USP8: variants seen among roughly 807,000 people sequenced by gnomAD.
USP8 encodes the protein ubiquitin specific peptidase 8.
In USP8, 27 loss-of-function variants were observed where a neutral mutation model predicts 130.0. The observed-to-expected ratio is 0.21, with a 90% CI of 0.15 to 0.29. USP8 has a LOEUF of 0.29. Ranked by LOEUF, USP8 falls within the 10% of genes least tolerant of loss-of-function variation. USP8 has a pLI of 1.00. For synonymous variants in USP8, 392 were observed against 444.1 expected, an observed-to-expected ratio of 0.88 and a Z score of 1.48; for missense variants, 1,029 against 1,312.2, an observed-to-expected ratio of 0.78 and a Z score of 3.33.
intron 8 of USP8, among the ~76,000 whole-genome samples, chr15:50,472,558 C>G (rs1217924788): frequency 2.7e-5 from 4 of 146,072 alleles, no homozygotes; most frequent in African/African-American, 1.0e-4. Flanking sequence ...GATCGCACCA[C>G]TGCACTCCAG....
chr15:50,486,456 C>G (rs1292792954), intron 12 of USP8, among the ~76,000 whole-genome samples: 2 of 152,066 alleles, frequency 1.3e-5, no homozygotes, highest in African/African-American at 2.4e-5. Context: ...CTACTGCATT[C>G]CAGCCTGGGC....
rs138464113 is a variant in USP8, at chr15:50,498,564, T to TGTCA, written c.3039-29_3039-26dup. The TGTCA allele has an allele frequency of 4.4e-4, 697 of 1,573,584 alleles. 3 individuals carry two copies. In the African/African-American group the frequency reaches 8.2e-3, roughly 19 times the overall value. ...GAGGATTCATCCTGGTATCTTCCTC[T>TGTCA]GTCAGTGTAATTGTAATGTTTTGTT... On this transcript the variant is annotated intron_variant, in intron 18 of 19. Transcript: ENST00000307179.
intron 12 of USP8, among the ~76,000 whole-genome samples, chr15:50,484,975 C>T (rs2051902829): frequency 6.6e-6 from 1 of 152,018 alleles, no homozygotes; most frequent in African/African-American, 2.4e-5. Context: ...GTTGTCAGAG[C>T]TGGAGAAAGG....
intron 15 of USP8, 75 bp downstream of exon 15, chr15:50,492,988 A>G: frequency 2.2e-6 from 3 of 1,376,512 alleles, no homozygotes; most frequent in Non-Finnish European, 3.1e-6. Flanking sequence ...TTAGTCCATT[A>G]GTTTTCTGCT....
In USP8 at chr15:50,441,396, G is replaced by T. The variant is rs774971326; in HGVS notation, c.152G>T (p.Arg51Ile). Reference protein sequence around the residue: ...LKIFKTAEECRLDRDEERAYV... With the variant: ...LKIFKTAEECILDRDEERAYV... The stretch of plus-strand genomic sequence containing the variant: ...ATCTTTAAGACAGCAGAAGAATGCA[G>T]ATTAGATCGTGATGAGGAAAGGGCC... Residue 51 changes from arginine (R) to isoleucine (I), a missense_variant, in exon 3 of 20, where the codon AGA becomes ATA. This residue lies in a region of USP8 where 281 missense variants were observed against 336.7 expected (regional missense o/e 0.83). Coordinates refer to ENST00000307179, the MANE Select transcript of USP8 (RefSeq NM_005154.5). The T allele has an allele frequency of 6.2e-7, 1 of 1,610,020 alleles. No individual in the cohort carries two copies. The highest frequency in any genetic ancestry group is 8.5e-7 in the Non-Finnish European group (1 of 1,179,316).
intron 4 of USP8, among the ~76,000 whole-genome samples, chr15:50,453,811 A>C (rs62019082): frequency 0.15 from 21,573 of 148,222 alleles, 1,997 homozygotes; most frequent in Middle Eastern, 0.28. Context: ...CAGTTTCTTG[A>C]TGAATTGACC....
At chr15:50,484,685 G>C (rs1201334445) in intron 12 of USP8, among the ~76,000 whole-genome samples, 5 of 152,110 alleles carry the variant, frequency 3.3e-5, no homozygotes, top group Non-Finnish European at 5.9e-5. Context: ...AGAAGTATTT[G>C]TACACCCATG....
chr15:50,493,078 A>G (rs1211963542), intron 15 of USP8, 165 bp downstream of exon 15: 3 of 772,196 alleles, frequency 3.9e-6, no homozygotes, highest in African/African-American at 3.4e-5. Context: ...TGGGAAGGCC[A>G]TCGTCTAGGT....
intron 10 of USP8, among the ~76,000 whole-genome samples, chr15:50,480,059 CA>C (rs1566876243): frequency 6.6e-6 from 1 of 152,132 alleles, no homozygotes; most frequent in Non-Finnish European, 1.5e-5. Context: ...CTGCGCCTGG[CA>C]ACTTCTTTTA....
At chr15:50,435,040 G>A (rs2050054384) in intron 1 of USP8, among the ~76,000 whole-genome samples, 2 of 152,162 alleles carry the variant, frequency 1.3e-5, no homozygotes, top group African/African-American at 4.8e-5. Flanking sequence ...CAATGGGTTT[G>A]TTGTTGCTGC....
At chr15:50,428,257 C>T (rs907181435) in intron 1 of USP8, among the ~76,000 whole-genome samples, 1 of 152,186 alleles carries the variant, frequency 6.6e-6, no homozygotes, top group East Asian at 1.9e-4. Context: ...GCTGGGATCA[C>T]AGGCATATGC....
At position 50,499,064 on chromosome 15, in the gene USP8, A is replaced by G. The variant is rs536740079; in HGVS notation, c.3333A>G (p.Pro1111=). 1.9e-6 allele frequency: 3 copies of G among 1,611,022 alleles called. No homozygotes were observed. Among genetic ancestry groups the G allele is most frequent in the Non-Finnish European group, 2.5e-6 (3 of 1,178,534 alleles). The part of the protein sequence containing the change: ...AYILFYTSLG[P]RVTDVAT ...TCCTCTTTTATACTTCATTGGGACC[A>G]CGAGTAACTGATGTAGCCACATAAG... The change falls in exon 20 of 20, where the codon CCA becomes CCG. Residue 1111 remains proline (P), a synonymous_variant. Transcript: ENST00000307179.
intron 7 of USP8, among the ~76,000 whole-genome samples, chr15:50,466,572 G>C (rs1473925342): frequency 6.6e-6 from 1 of 150,906 alleles, no homozygotes; most frequent in Non-Finnish European, 1.5e-5. Flanking sequence ...TCCAGCCTGG[G>C]CTACAGAGGG....
chr15:50,445,542 T>C (rs1361706876), intron 3 of USP8, among the ~76,000 whole-genome samples: 1 of 1,642 alleles, frequency 6.1e-4, no homozygotes, highest in South Asian at 0.019. Context: ...CAAGAGTCTG[T>C]CTCAAAAAAA....
chr15:50,431,165 C>CTGTGTGTGTGTGTGTG (rs56771450), intron 1 of USP8, among the ~76,000 whole-genome samples: 24,820 of 140,776 alleles, frequency 0.18, 2,600 homozygotes, highest in East Asian at 0.4. Flanking sequence ...GTGTGTGCCT[C>CTGTGTGTGTGTGTGTG]TGTGTGTGTG....
rs71124355 is a variant in USP8 at position 50,453,860 on chromosome 15, CTTTTTTTT to C, written c.335+4390_335+4397del. Among the ~76,000 whole-genome samples, 821 of 86,962 alleles carry C rather than the reference CTTTTTTTT, an allele frequency of 9.4e-3. 13 individuals are homozygous for C. Among genetic ancestry groups the C allele is most frequent in the African/African-American group, 0.036 (791 of 22,026 alleles). 57.1% of individuals were successfully genotyped at this position (86,962 alleles called of 152,430 possible). A position where few individuals can be genotyped will look rare whatever the true frequency, so the allele number is the denominator to read the frequency against. On this transcript the variant is annotated intron_variant, in intron 4 of 19. Transcript: ENST00000307179. ...GTCCCTCTTTACCTCTGGGAATATT[CTTTTTTTT>C]TTTTTTTTTTTTTTGAGACAGGGTC...
chr15:50,494,244 G>T lies in USP8; in HGVS notation c.2622G>T (p.Leu874=). The T allele has an allele frequency of 6.2e-7, 1 of 1,611,576 alleles. No homozygotes were observed. The highest frequency in any genetic ancestry group is 8.5e-7 in the Non-Finnish European group (1 of 1,179,484). Residue 874 remains leucine, a synonymous_variant, in exon 16 of 20, where the codon CTG becomes CTT. Coordinates refer to ENST00000307179, the MANE Select transcript of USP8 (RefSeq NM_005154.5). ...YSQQDSQELL[L]FLMDGLHEDL... is the part of the protein sequence containing the mutation. ...AGCAAGATTCACAAGAATTGCTTCT[G>T]TTCCTAATGGATGGTCTCCATGAAG...
At chr15:50,437,538 T>G (rs1230729868) in intron 1 of USP8, among the ~76,000 whole-genome samples, 1 of 152,252 alleles carries the variant, frequency 6.6e-6, no homozygotes, top group Non-Finnish European at 1.5e-5. Flanking sequence ...CTATTTATTC[T>G]TGGAGAATCA....
chr15:50,496,004 T>C lies in USP8; in HGVS notation c.2815T>C (p.Cys939Arg), dbSNP rs934236560. Residue 939 changes from cysteine to arginine, a missense_variant, in exon 17 of 20, where the codon TGT becomes CGT. Cys to Arg is a radical substitution (Grantham distance 180, BLOSUM62 -3). Transcript: ENST00000307179. ...QFKSTVQCLT[C>R]HKKSRTFEAF... is the part of the protein sequence containing the mutation. ...CAAATCTACAGTACAGTGCCTCACA[T>C]GTCACAAAAAGTCTAGGACATTTGA... The C allele has an allele frequency of 6.2e-7, 1 of 1,614,052 alleles. No homozygotes were observed. Among genetic ancestry groups the C allele is most frequent in the Non-Finnish European group, 8.5e-7 (1 of 1,180,014 alleles).
Sources: gnomAD v4.1 joint callset for allele counts (sites outside exome capture counted in the v4.1 genomes callset) on GRCh38, gnomAD v4.1.1 for gene constraint, gnomAD v4.1.1 regional missense constraint, MANE v1.5 for transcripts, NCBI Gene and HGNC (gene_info 2026-07-23, HGNC 2026-07-21) for gene names.